TLK1: variants seen among roughly 807,000 people sequenced by gnomAD.
TLK1 encodes tousled like kinase 1, also known as serine/threonine-protein kinase tousled-like 1.
In TLK1, 24 loss-of-function variants were observed where a neutral mutation model predicts 105.3. The ratio of observed to expected loss-of-function variants is 0.23; its 90% CI spans 0.17 to 0.32. TLK1 has a LOEUF of 0.32. Among genes scored for constraint, TLK1 ranks in the 10% least tolerant of loss-of-function variants. The pLI, the probability that TLK1 is intolerant of heterozygous loss-of-function variation, is 1.00. For missense variants in TLK1, 558 were observed against 910.5 expected (o/e 0.61, Z 4.98); for synonymous variants, 321 against 310.4 (o/e 1.03, Z -0.36).
chr2:171,050,739 GC>G (rs1558909392), intron 8 of TLK1, among the ~76,000 whole-genome samples: 1 of 152,132 alleles, frequency 6.6e-6, no homozygotes, highest in Non-Finnish European at 1.5e-5. Context: ...TTTGTAGGTG[GC>G]CATATGCTCA....
chr2:171,180,626 G>A (rs2105307537), intron 1 of TLK1, among the ~76,000 whole-genome samples: 1 of 152,256 alleles, frequency 6.6e-6, no homozygotes. Context: ...GAAGTAGTTT[G>A]TATTTGCTCT....
chr2:171,211,849 CT>C (rs776587137), intron 1 of TLK1, among the ~76,000 whole-genome samples: 211 of 139,864 alleles, frequency 1.5e-3, no homozygotes, highest in Admixed American at 2.2e-3. Flanking sequence ...TGCCCGGCCT[CT>C]TTTTTTTTTT....
At position 171,038,239 on chromosome 2, in the gene TLK1, G is replaced by T. The variant is rs552792626; in HGVS notation, c.1169+7935C>A. 4.2e-4 allele frequency among the ~76,000 whole-genome samples: 64 copies of T among 152,076 alleles called. 1 individual carries two copies. The South Asian group carries it at 0.013, about 31-fold the overall frequency. The stretch of plus-strand genomic sequence containing the variant: ...TTTTTAAAAATCAATCATATCAATT[G>T]TATCAGGTTTTTTCCCCTACAAAAA... On this transcript the variant is annotated intron_variant, in intron 11 of 20. Transcript: ENST00000431350.
rs1312266080 is a variant in TLK1 at position 171,175,924 on chromosome 2, T to TTTTTTG, written c.-6+55215_-6+55220dup. Among the ~76,000 whole-genome samples, 52 of 152,130 alleles carry TTTTTTG rather than the reference T, an allele frequency of 3.4e-4. 1 individual carries two copies. The highest frequency in any genetic ancestry group is 3.4e-3 in the Middle Eastern group (1 of 294). On this transcript the variant is annotated intron_variant, in intron 1 of 20. Transcript: ENST00000521943. ...GCTGGAGTCAGGATATCAAGGTTTT[T>TTTTTTG]TTTTTGTTTTTGTTTTTGTTTTTGT...
chr2:171,195,494 T>C, intron 1 of TLK1, among the ~76,000 whole-genome samples: 1 of 122,384 alleles, frequency 8.2e-6, no homozygotes, highest in African/African-American at 3.5e-5. Context: ...AGAGCAAGAC[T>C]CTGTCTCAAA....
intron 1 of TLK1, among the ~76,000 whole-genome samples, chr2:171,183,376 C>A (rs367741972): frequency 6.6e-6 from 1 of 152,246 alleles, no homozygotes; most frequent in African/African-American, 2.4e-5. Flanking sequence ...AGATTTACCA[C>A]ATATGTAGAA....
At chr2:171,074,525 G>GGCTGAGGCCAGAGAATT (rs1159697319) in intron 3 of TLK1, among the ~76,000 whole-genome samples, 2 of 151,942 alleles carry the variant, frequency 1.3e-5, no homozygotes, top group East Asian at 3.9e-4. Context: ...CTACTTGGGA[G>GGCTGAGGCCAGAGAATT]GCTGAGGCCA....
chr2:171,091,067 T>C (rs1254437756), intron 2 of TLK1, among the ~76,000 whole-genome samples: 1 of 152,144 alleles, frequency 6.6e-6, no homozygotes, highest in Non-Finnish European at 1.5e-5. Flanking sequence ...TGCCTGGTTT[T>C]TATATAAAGT....
chr2:171,011,568 ACTG>A (rs1684918672), intron 13 of TLK1, 114 bp from the exon 14 acceptor site: 2 of 791,270 alleles, frequency 2.5e-6, no homozygotes, highest in Non-Finnish European at 3.9e-6. Context: ...CAGTTACTCC[ACTG>A]CTAATTTCAA....
intron 18 of TLK1, among the ~76,000 whole-genome samples, chr2:170,998,802 TCTGTCACCCAGG>T (rs1476355942): frequency 1.3e-5 from 2 of 152,188 alleles, no homozygotes; most frequent in Non-Finnish European, 2.9e-5. Context: ...AGGGTCCAAC[TCTGTCACCCAGG>T]CTGGAGTACA....
intron 1 of TLK1, among the ~76,000 whole-genome samples, chr2:171,172,065 T>C (rs1692740762): frequency 6.6e-6 from 1 of 152,212 alleles, no homozygotes; most frequent in Non-Finnish European, 1.5e-5. Context: ...ATTCACATAA[T>C]ACAATACTAT....
chr2:171,062,229 A>C (rs187875587), intron 3 of TLK1, among the ~76,000 whole-genome samples: 9 of 152,298 alleles, frequency 5.9e-5, no homozygotes, highest in African/African-American at 2.2e-4. Context: ...GTGCCAGAAA[A>C]ATTCCTGAAC....
At chr2:171,063,961 T>A (rs1381266155) in intron 3 of TLK1, among the ~76,000 whole-genome samples, 1 of 152,220 alleles carries the variant, frequency 6.6e-6, no homozygotes, top group Non-Finnish European at 1.5e-5. Flanking sequence ...AACATACAGA[T>A]TACTTAGTTT....
chr2:171,161,944 T>G (rs936490849), upstream of TLK1, among the ~76,000 whole-genome samples: 6 of 152,334 alleles, frequency 3.9e-5, no homozygotes, highest in Admixed American at 6.5e-5. Context: ...CTAAAAAGAT[T>G]ATGATATAGC....
At chr2:171,003,225 G>A (rs1684474231) in intron 18 of TLK1, among the ~76,000 whole-genome samples, 1 of 123,752 alleles carries the variant, frequency 8.1e-6, no homozygotes, top group African/African-American at 3.2e-5. Context: ...AGTGAGCCGA[G>A]ATCGCACCAC....
intron 1 of TLK1, among the ~76,000 whole-genome samples, chr2:171,136,243 A>C (rs1468105153): frequency 1.3e-5 from 2 of 152,256 alleles, no homozygotes; most frequent in African/African-American, 4.8e-5. Flanking sequence ...ATATGATTCC[A>C]GTTCTGTGAG....
chr2:171,169,767 A>G (rs901312828), intron 1 of TLK1, among the ~76,000 whole-genome samples: 31 of 152,232 alleles, frequency 2.0e-4, no homozygotes, highest in Non-Finnish European at 4.3e-4. Flanking sequence ...AATGAAGACC[A>G]AGAAAAAGAA....
chr2:170,995,083 A>G (rs1281818411), intron 20 of TLK1, among the ~76,000 whole-genome samples: 1 of 152,150 alleles, frequency 6.6e-6, no homozygotes, highest in African/African-American at 2.4e-5. Context: ...TTGGAAGTCA[A>G]TCTGATCCCT....
chr2:171,224,152 T>C (rs911723898), intron 1 of TLK1, among the ~76,000 whole-genome samples: 1 of 152,222 alleles, frequency 6.6e-6, no homozygotes, highest in African/African-American at 2.4e-5. Flanking sequence ...CTTGGTTTCA[T>C]TCTTCCACAT....
Sources: allele counts gnomAD v4.1 joint callset (sites outside exome capture counted in the v4.1 genomes callset), GRCh38; gene constraint gnomAD v4.1.1; transcripts MANE v1.5; gene names NCBI Gene and HGNC (gene_info 2026-07-23, HGNC 2026-07-21).